Variants in SHISA6 observed in about 807,000 individuals in gnomAD.
SHISA6 encodes protein shisa-6.
Under a neutral mutation model 47.9 loss-of-function variants are expected in SHISA6, and 22 were observed. That is an observed-to-expected ratio of 0.46 (90% CI 0.33 to 0.66). SHISA6 has a LOEUF of 0.66. Ranked by LOEUF, SHISA6 falls within the 30% of genes least tolerant of loss-of-function variation. SHISA6 has a pLI of 0.02. For missense variants in SHISA6, 680 were observed against 764.6 expected (o/e 0.89, Z 1.30); for synonymous variants, 388 against 337.8 (o/e 1.15, Z -1.63).
chr17:11,336,777 G>T (rs879642104), intron 2 of SHISA6, among the ~76,000 whole-genome samples: 1 of 152,204 alleles, frequency 6.6e-6, no homozygotes, highest in Non-Finnish European at 1.5e-5. Flanking sequence ...CGCCCAGGGC[G>T]CAGGGATTTG....
At chr17:11,420,486 G>A (rs889013315) in intron 3 of SHISA6, among the ~76,000 whole-genome samples, 1 of 152,146 alleles carries the variant, frequency 6.6e-6, no homozygotes, top group African/African-American at 2.4e-5. Context: ...AGAGTTTTTT[G>A]TTCCTACAAG....
intron 3 of SHISA6, among the ~76,000 whole-genome samples, chr17:11,532,415 C>A (rs1248985260): frequency 6.6e-6 from 1 of 152,238 alleles, no homozygotes; most frequent in Non-Finnish European, 1.5e-5. Flanking sequence ...ATCCTTGTTT[C>A]TTTCCCTTCC....
chr17:11,282,472 A>G (rs2142161906), intron 2 of SHISA6, among the ~76,000 whole-genome samples: 1 of 151,866 alleles, frequency 6.6e-6, no homozygotes, highest in South Asian at 2.1e-4. Flanking sequence ...ATAGGTATAC[A>G]TGTGCCATGT....
chr17:11,318,510 C>A (rs1036677882), intron 2 of SHISA6, among the ~76,000 whole-genome samples: 44 of 152,262 alleles, frequency 2.9e-4, no homozygotes, highest in Middle Eastern at 3.4e-3. Flanking sequence ...GAGCCTGTCC[C>A]CTGCTTCCCT....
intron 3 of SHISA6, among the ~76,000 whole-genome samples, chr17:11,388,141 C>T (rs1038894600): frequency 6.6e-6 from 1 of 152,144 alleles, no homozygotes; most frequent in Admixed American, 6.5e-5. Context: ...TAGAACCCTG[C>T]CTAGATATTT....
intron 3 of SHISA6, among the ~76,000 whole-genome samples, chr17:11,428,831 C>A (rs1475950958): frequency 7.0e-6 from 1 of 142,554 alleles, no homozygotes. Flanking sequence ...GTCGCCCAGG[C>A]TGGAGTGCAG....
chr17:11,261,411 G>C (rs1908228192), intron 1 of SHISA6, among the ~76,000 whole-genome samples: 2 of 152,242 alleles, frequency 1.3e-5, no homozygotes, highest in African/African-American at 4.8e-5. Context: ...GCTCAGTGCA[G>C]CCCACTGGGC....
rs565691235 is a variant in SHISA6, at chr17:11,499,316, C to T, written c.896-52580C>T. 5.1e-4 allele frequency among the ~76,000 whole-genome samples: 78 copies of T among 152,114 alleles called. 1 individual carries two copies. Among genetic ancestry groups the T allele is most frequent in the Non-Finnish European group, 8.4e-4 (57 of 68,012 alleles). On this transcript the variant is annotated intron_variant, in intron 3 of 5. Transcript: ENST00000441885. ...GCAAGGCTAGCATTGAGCAGAATGA[C>T]GCCACTTGGGGAGTGGACTATAAAG...
intron 3 of SHISA6, among the ~76,000 whole-genome samples, chr17:11,457,699 C>T (rs1915578123): frequency 6.8e-6 from 1 of 146,800 alleles, no homozygotes; most frequent in Admixed American, 6.9e-5. Flanking sequence ...CGAGACCACG[C>T]CATTGCACTC....
At chr17:11,295,525 A>T (rs1197264827) in intron 2 of SHISA6, among the ~76,000 whole-genome samples, 1 of 152,232 alleles carries the variant, frequency 6.6e-6, no homozygotes, top group Non-Finnish European at 1.5e-5. Flanking sequence ...GACACAATAA[A>T]TGATGGGAAG....
chr17:11,550,306 T>C (rs1162697718), intron 3 of SHISA6, among the ~76,000 whole-genome samples: 3 of 152,080 alleles, frequency 2.0e-5, no homozygotes, highest in African/African-American at 7.2e-5. Flanking sequence ...CCATCTGCCT[T>C]GGCCTCTCAA....
At chr17:11,307,565 C>G (rs778357675) in intron 2 of SHISA6, among the ~76,000 whole-genome samples, 1 of 152,180 alleles carries the variant, frequency 6.6e-6, no homozygotes, top group Non-Finnish European at 1.5e-5. Flanking sequence ...ATAGCCACAC[C>G]TAACAGCAAG....
At chr17:11,502,202 G>A (rs1230918413) in intron 3 of SHISA6, among the ~76,000 whole-genome samples, 2 of 149,226 alleles carry the variant, frequency 1.3e-5, no homozygotes, top group East Asian at 4.1e-4. Context: ...GAGGTCAGGA[G>A]ATCGAGACCA....
At chr17:11,299,973 A>C (rs543542110) in intron 2 of SHISA6, among the ~76,000 whole-genome samples, 1 of 152,030 alleles carries the variant, frequency 6.6e-6, no homozygotes, top group Non-Finnish European at 1.5e-5. Context: ...GTGAAACCCT[A>C]TCTCTACTAA....
chr17:11,485,915 C>T lies in SHISA6; in HGVS notation c.896-65981C>T, dbSNP rs967452609. Among the ~76,000 whole-genome samples the T allele has an allele frequency of 1.6e-4, 24 of 152,222 alleles. 1 individual carries two copies. In the South Asian group the frequency reaches 2.9e-3, roughly 18 times the overall value. Reference sequence around the variant, plus strand: ...CCCAGCGCTGTTGATTTCTGTCTTGCGACCATTATGGAAATCTGGCTTCAT... The same window carrying T: ...CCCAGCGCTGTTGATTTCTGTCTTGTGACCATTATGGAAATCTGGCTTCAT... On this transcript the variant is annotated intron_variant, in intron 3 of 5. Transcript: ENST00000441885.
rs2071905753 is a variant in SHISA6 at position 11,548,892 on chromosome 17, A to G, written c.896-3004A>G. On this transcript the variant is annotated intron_variant, in intron 3 of 5. Coordinates refer to ENST00000441885, the MANE Select transcript of SHISA6 (RefSeq NM_207386.4). ...ATACTCAAGACACTTTCATTTATTC[A>G]TTAGGTATGAAGAAGATTAAAGTAG... Among the ~76,000 whole-genome samples the G allele has an allele frequency of 2.0e-5, 3 of 152,192 alleles. No homozygotes were observed. The South Asian group carries it at 6.2e-4, about 32-fold the overall frequency.
At chr17:11,517,865 A>G (rs1477142031) in intron 3 of SHISA6, among the ~76,000 whole-genome samples, 1 of 151,982 alleles carries the variant, frequency 6.6e-6, no homozygotes, top group Admixed American at 6.6e-5. Flanking sequence ...CACCCTCAGC[A>G]TTAATTGGGC....
chr17:11,438,836 T>C (rs2142295449), intron 3 of SHISA6, among the ~76,000 whole-genome samples: 1 of 152,268 alleles, frequency 6.6e-6, no homozygotes, highest in East Asian at 1.9e-4. Context: ...TTTAGGGATC[T>C]AAGTCACAGA....
At chr17:11,328,240 G>C (rs990763911) in intron 2 of SHISA6, among the ~76,000 whole-genome samples, 1 of 152,174 alleles carries the variant, frequency 6.6e-6, no homozygotes, top group Non-Finnish European at 1.5e-5. Flanking sequence ...TCTCAGCTCT[G>C]TGACCTTAGT....
Sources: allele counts gnomAD v4.1 joint callset (sites outside exome capture counted in the v4.1 genomes callset), GRCh38; gene constraint gnomAD v4.1.1; transcripts MANE v1.5; gene names NCBI Gene and HGNC (gene_info 2026-07-23, HGNC 2026-07-21).